RIMS2: variants seen among roughly 807,000 people sequenced by gnomAD.
RIMS2 encodes the protein regulating synaptic membrane exocytosis 2.
RIMS2 carries 59 observed loss-of-function variants against 174.4 expected under a neutral mutation model. The ratio of observed to expected loss-of-function variants is 0.34; its 90% confidence interval spans 0.27 to 0.42. The LOEUF (loss-of-function observed/expected upper bound fraction) is 0.42, where lower values mean the gene tolerates loss of function less well. Among genes scored for constraint, RIMS2 ranks in the 10% least tolerant of loss-of-function variants. The probability of loss-of-function intolerance (pLI) is 1.00; values close to 1 mark genes in which losing one functional copy is unlikely to be tolerated. For synonymous variants in RIMS2, 606 were observed against 572.5 expected (o/e 1.06, Z -0.84); for missense variants, 1,620 against 1,666.3 (o/e 0.97, Z 0.48).
chr8:103,531,216 A>G (rs1836926979), intron 1 of RIMS2, among the ~76,000 whole-genome samples: 1 of 152,096 alleles, frequency 6.6e-6, no homozygotes. Flanking sequence ...GTACATACAT[A>G]TTCTTTTCAA....
At chr8:103,747,091 A>G (rs1327480489) in intron 2 of RIMS2, among the ~76,000 whole-genome samples, 1 of 150,866 alleles carries the variant, frequency 6.6e-6, no homozygotes, top group African/African-American at 2.4e-5. Flanking sequence ...TTTTTAATTA[A>G]TTACTTTATT....
At chr8:103,748,335 C>T (rs1005423307) in intron 2 of RIMS2, among the ~76,000 whole-genome samples, 75 of 151,952 alleles carry the variant, frequency 4.9e-4, no homozygotes, top group African/African-American at 1.7e-3. Flanking sequence ...GTCCCAGCTA[C>T]TTGAGAGGCT....
intron 1 of RIMS2, among the ~76,000 whole-genome samples, chr8:103,514,944 C>A (rs1292634339): frequency 1.3e-5 from 2 of 151,498 alleles, no homozygotes; most frequent in African/African-American, 4.9e-5. Context: ...CAAAAAAAAA[C>A]ACACACAAAA....
intron 3 of RIMS2, among the ~76,000 whole-genome samples, chr8:103,783,208 T>C (rs973159685): frequency 2.0e-5 from 3 of 152,136 alleles, no homozygotes; most frequent in African/African-American, 7.2e-5. Context: ...CCTTAGGGGC[T>C]ACCCAGTGTT....
intron 1 of RIMS2, among the ~76,000 whole-genome samples, chr8:103,504,468 A>T (rs925140081): frequency 2.0e-5 from 3 of 152,172 alleles, no homozygotes; most frequent in Non-Finnish European, 4.4e-5. Context: ...AATTGTGAAA[A>T]AATGTCTGAG....
chr8:103,570,342 A>G (rs1445476861), intron 1 of RIMS2, among the ~76,000 whole-genome samples: 1 of 152,218 alleles, frequency 6.6e-6, no homozygotes, highest in East Asian at 1.9e-4. Context: ...TGAAAAAATT[A>G]TGAGTTATCA....
chr8:104,031,618 T>C (rs1193137358), intron 19 of RIMS2, among the ~76,000 whole-genome samples: 2 of 152,158 alleles, frequency 1.3e-5, no homozygotes, highest in Non-Finnish European at 2.9e-5. Flanking sequence ...ATTTAGATTC[T>C]TGTTATGCAT....
chr8:103,775,724 ACTT>A (rs1339719635), intron 3 of RIMS2, among the ~76,000 whole-genome samples: 1 of 152,172 alleles, frequency 6.6e-6, no homozygotes, highest in African/African-American at 2.4e-5. Context: ...TGCTTAATAG[ACTT>A]CTATTTTCAA....
chr8:104,084,943 C>G (rs2097510360), intron 19 of RIMS2, among the ~76,000 whole-genome samples: 1 of 152,110 alleles, frequency 6.6e-6, no homozygotes, highest in African/African-American at 2.4e-5. Flanking sequence ...CTCTTAATCC[C>G]TTGGTCATTA....
At chr8:103,794,071 GA>G (rs920336725) in intron 3 of RIMS2, among the ~76,000 whole-genome samples, 2 of 151,920 alleles carry the variant, frequency 1.3e-5, no homozygotes, top group South Asian at 2.1e-4. Context: ...TTACAGAATT[GA>G]AAAAAACTAT....
At chr8:103,945,026 C>T (rs1385678382) in intron 14 of RIMS2, among the ~76,000 whole-genome samples, 3 of 152,018 alleles carry the variant, frequency 2.0e-5, no homozygotes, top group African/African-American at 7.2e-5. Flanking sequence ...CCTTTGATGA[C>T]AAGAACCTCC....
At chr8:103,590,903 C>A (rs749139477) in intron 1 of RIMS2, among the ~76,000 whole-genome samples, 2 of 150,856 alleles carry the variant, frequency 1.3e-5, no homozygotes, top group African/African-American at 2.4e-5. Flanking sequence ...TGGATAAATA[C>A]CTGTAAGTGA....
At chr8:103,759,818 T>C (rs1014755943) in intron 2 of RIMS2, among the ~76,000 whole-genome samples, 1 of 151,996 alleles carries the variant, frequency 6.6e-6, no homozygotes, top group African/African-American at 2.4e-5. Context: ...CGAAGTGAGA[T>C]CAGGTTTATT....
At chr8:103,879,189 A>G (rs923683480) in intron 3 of RIMS2, among the ~76,000 whole-genome samples, 16 of 151,380 alleles carry the variant, frequency 1.1e-4, no homozygotes, top group African/African-American at 3.9e-4. Context: ...TAAAGGTGAT[A>G]CAAATGAAAG....
At chr8:103,641,711 T>C (rs777270902) in intron 1 of RIMS2, among the ~76,000 whole-genome samples, 13 of 152,026 alleles carry the variant, frequency 8.6e-5, no homozygotes, top group Non-Finnish European at 1.8e-4. Context: ...TCTCATCTTG[T>C]TCGTTCTCAT....
At chr8:103,559,328 A>G in intron 1 of RIMS2, 1 of 216,920 alleles carries the variant, frequency 4.6e-6, no homozygotes, top group South Asian at 6.9e-5. Context: ...CTGCCTCCCC[A>G]TAACTTCCTT....
intron 17 of RIMS2, among the ~76,000 whole-genome samples, chr8:104,003,725 A>G (rs1478174846): frequency 1.3e-5 from 2 of 152,020 alleles, no homozygotes; most frequent in African/African-American, 4.8e-5. Context: ...GAAGAATCTT[A>G]TATACTCTTC....
chr8:103,721,257 C>G (rs2097443958), intron 2 of RIMS2, among the ~76,000 whole-genome samples: 1 of 152,136 alleles, frequency 6.6e-6, no homozygotes, highest in African/African-American at 2.4e-5. Context: ...CAGAATCATG[C>G]TTCCTGTACA....
At chr8:103,944,023 A>G (rs2083146350) in intron 14 of RIMS2, among the ~76,000 whole-genome samples, 1 of 152,114 alleles carries the variant, frequency 6.6e-6, no homozygotes, top group African/African-American at 2.4e-5. Flanking sequence ...GTAGAGAATT[A>G]GAGGTAAGGA....
Sources: allele counts gnomAD v4.1 joint callset (sites outside exome capture counted in the v4.1 genomes callset), GRCh38; gene constraint gnomAD v4.1.1; transcripts MANE v1.5; gene names NCBI Gene and HGNC (gene_info 2026-07-23, HGNC 2026-07-21).